The following CDC42BPB variants were observed in gnomAD, a reference collection of about 807,000 sequenced individuals.
CDC42BPB encodes the protein CDC42 binding protein kinase beta, also known as serine/threonine-protein kinase MRCK beta.
In CDC42BPB, 37 loss-of-function variants were observed where a neutral mutation model predicts 214.9. The observed-to-expected ratio is 0.17, with a 90% CI of 0.13 to 0.23. CDC42BPB has a LOEUF of 0.23. Among genes scored for constraint, CDC42BPB ranks in the 10% least tolerant of loss-of-function variants. The probability of loss-of-function intolerance (pLI) is 1.00; values close to 1 mark genes in which losing one functional copy is unlikely to be tolerated. For missense variants in CDC42BPB, 1,694 were observed against 2,227.0 expected, an observed-to-expected ratio of 0.76 and a Z score of 4.82; for synonymous variants, 931 against 884.0, an observed-to-expected ratio of 1.05 and a Z score of -0.94.
intron 26 of CDC42BPB, among the ~76,000 whole-genome samples, chr14:102,949,504 C>T (rs1262516126): frequency 6.6e-6 from 1 of 152,126 alleles, no homozygotes; most frequent in Non-Finnish European, 1.5e-5. Flanking sequence ...CTGTGGCAAA[C>T]TTCTCAACGC....
intron 34 of CDC42BPB, 112 bp downstream of exon 34, chr14:102,939,480 GAGCGCCAGGTCAGAGCAC>G (rs1891792866): frequency 1.5e-6 from 1 of 683,216 alleles, no homozygotes; most frequent in Non-Finnish European, 2.6e-6. Flanking sequence ...TGTGTGACAG[GAGCGCCAGGTCAGAGCAC>G]AGCGCCAGCC....
intron 24 of CDC42BPB, 172 bp from the exon 25 acceptor site, chr14:102,950,774 T>C: frequency 1.4e-6 from 1 of 694,982 alleles, no homozygotes; most frequent in Non-Finnish European, 1.8e-6. Context: ...GAGACCAGCC[T>C]GGCCAACATG....
chr14:102,947,188 A>C (rs1237042713), intron 27 of CDC42BPB, among the ~76,000 whole-genome samples: 1 of 152,170 alleles, frequency 6.6e-6, no homozygotes, highest in Non-Finnish European at 1.5e-5. Context: ...TAATTTATAG[A>C]CTTAGTTTTG....
intron 1 of CDC42BPB, chr14:103,041,525 C>A: frequency 7.2e-7 from 1 of 1,386,522 alleles, no homozygotes; most frequent in Non-Finnish European, 1.0e-6. Context: ...TGGCAGCTGG[C>A]TCGTGGCCAC....
chr14:103,008,587 C>T (rs767635304), intron 2 of CDC42BPB, 32 bp from the exon 3 acceptor site: 25 of 1,586,856 alleles, frequency 1.6e-5, no homozygotes, highest in Middle Eastern at 3.3e-4. Flanking sequence ...AACAAAGATG[C>T]GGTTCTTGAA....
intron 1 of CDC42BPB, among the ~76,000 whole-genome samples, chr14:103,020,252 G>A (rs1886691886): frequency 6.6e-6 from 1 of 152,238 alleles, no homozygotes; most frequent in Admixed American, 6.5e-5. Flanking sequence ...CAATGAAGGT[G>A]AACAGGGCCC....
In CDC42BPB at chr14:102,946,474, T is replaced by C. The variant is rs1892182282; in HGVS notation, c.3742A>G (p.Ile1248Val). 19 of 1,612,564 alleles carry C rather than the reference T, an allele frequency of 1.2e-5. No individual in the cohort carries two copies. Among genetic ancestry groups the C allele is most frequent in the Middle Eastern group, 3.3e-4 (2 of 6,008 alleles). The stretch of plus-strand genomic sequence containing the variant: ...CACAACCTTTGGGACGTACCCACGA[T>C]GGCAGCTGTCAGGATGGCCTTGATG... ...PLIKAILTAA[I>V]VDADRIAVGL... is the part of the protein sequence containing the mutation. Residue 1248 changes from isoleucine (I) to valine (V), a missense_variant, in exon 28 of 37, where the codon ATC (isoleucine) becomes GTC (valine). Ile to Val is a conservative substitution (Grantham distance 29). Coordinates refer to ENST00000361246, the MANE Select transcript of CDC42BPB (RefSeq NM_006035.4).
chr14:103,020,705 C>T (rs1003997814), intron 1 of CDC42BPB, among the ~76,000 whole-genome samples: 8 of 152,220 alleles, frequency 5.3e-5, no homozygotes, highest in East Asian at 1.9e-4. Context: ...CAGGAGTCAG[C>T]GCCTTGGCCC....
At chr14:102,937,226 CGTTCTGTAAA>C (rs1891681433) in intron 36 of CDC42BPB, 1 of 152,340 alleles carries the variant, frequency 6.6e-6, no homozygotes, top group Non-Finnish European at 1.5e-5. Flanking sequence ...AACTCAGGAG[CGTTCTGTAAA>C]GTAACAGCAG....
chr14:102,939,557 C>T (rs563312788), intron 34 of CDC42BPB, 53 bp downstream of exon 34: 62 of 1,280,978 alleles, frequency 4.8e-5, no homozygotes, highest in East Asian at 3.2e-4. Context: ...GCTGCCTGAG[C>T]GGGGAGGAGG....
chr14:102,983,476 A>C, intron 7 of CDC42BPB, 80 bp downstream of exon 7: 3 of 1,570,092 alleles, frequency 1.9e-6, no homozygotes, highest in South Asian at 1.2e-5. Context: ...TTCCTAACGG[A>C]TCTTCCTGCA....
Position 102,968,597 on chromosome 14 carries a change from C to T in CDC42BPB, c.2115G>A (p.Glu705=), listed in dbSNP as rs773844816. Residue 705 remains glutamate, a synonymous_variant, in exon 15 of 37, where the codon GAG becomes GAA. Coordinates refer to ENST00000361246, the MANE Select transcript of CDC42BPB (RefSeq NM_006035.4). The stretch of plus-strand genomic sequence containing the variant: ...TTTTCACTTCTAGCACATGGGAGGC[C>T]TCACGTCTGACCAATTCCTCTTCAT... The part of the protein sequence containing the change: ...LFYEEELVRR[E]ASHVLEVKNV... The T allele has an allele frequency of 6.2e-7, 1 of 1,614,206 alleles. No individual in the cohort carries two copies. Among genetic ancestry groups the T allele is most frequent in the South Asian group, 1.1e-5 (1 of 91,084 alleles).
intron 1 of CDC42BPB, among the ~76,000 whole-genome samples, chr14:103,047,908 A>AAAAAAAAAAG (rs1004939284): frequency 6.6e-6 from 1 of 151,998 alleles, no homozygotes; most frequent in African/African-American, 2.4e-5. Flanking sequence ...GTGTCCAAAA[A>AAAAAAAAAAG]AAAAAGCATT....
chr14:102,972,868 T>G (rs1893549248), intron 12 of CDC42BPB, among the ~76,000 whole-genome samples: 1 of 151,988 alleles, frequency 6.6e-6, no homozygotes, highest in South Asian at 2.1e-4. Flanking sequence ...TCTAGTTACT[T>G]AAACATAAGC....
chr14:103,019,265 G>A (rs1021565310), intron 1 of CDC42BPB, among the ~76,000 whole-genome samples: 9 of 152,090 alleles, frequency 5.9e-5, no homozygotes, highest in Non-Finnish European at 7.4e-5. Flanking sequence ...CTAGAGACAC[G>A]GCCGCCCTGC....
intron 6 of CDC42BPB, among the ~76,000 whole-genome samples, chr14:102,985,962 G>C (rs762701419): frequency 6.6e-6 from 1 of 152,204 alleles, no homozygotes; most frequent in African/African-American, 2.4e-5. Context: ...AGCCGATCCG[G>C]GGGCAACCTC....
intron 2 of CDC42BPB, chr14:103,008,757 TC>T: frequency 1.1e-6 from 1 of 878,178 alleles, no homozygotes; most frequent in Non-Finnish European, 1.4e-6. Flanking sequence ...CCACGTGGGC[TC>T]CGGAGTTTCA....
chr14:103,002,181 A>G (rs1895018776), intron 4 of CDC42BPB, among the ~76,000 whole-genome samples: 1 of 152,158 alleles, frequency 6.6e-6, no homozygotes, highest in Non-Finnish European at 1.5e-5. Flanking sequence ...GGCCAGCCTC[A>G]CAACCATAGG....
intron 1 of CDC42BPB, among the ~76,000 whole-genome samples, chr14:103,014,391 T>C (rs1005589510): frequency 6.6e-6 from 1 of 151,906 alleles, no homozygotes; most frequent in Non-Finnish European, 1.5e-5. Context: ...TATGCTAGGT[T>C]TTTTTTTGTT....
Sources: gnomAD v4.1 joint callset for allele counts (sites outside exome capture counted in the v4.1 genomes callset) on GRCh38, gnomAD v4.1.1 for gene constraint, MANE v1.5 for transcripts, NCBI Gene and HGNC (gene_info 2026-07-23, HGNC 2026-07-21) for gene names.